ATAD2: variants seen among roughly 807,000 people sequenced by gnomAD.
ATAD2 encodes ATPase family AAA domain containing 2, also known as ATPase family AAA domain-containing protein 2.
Under a neutral mutation model 168.9 loss-of-function variants are expected in ATAD2, and 62 were observed. That is an observed-to-expected ratio of 0.37 (90% CI 0.30 to 0.45). The LOEUF (loss-of-function observed/expected upper bound fraction) is 0.45, where lower values mean the gene tolerates loss of function less well. Ranked by LOEUF, ATAD2 falls within the 20% of genes least tolerant of loss-of-function variation. The pLI, the probability that ATAD2 is intolerant of heterozygous loss-of-function variation, is 1.00. For missense variants in ATAD2, 1,419 were observed against 1,667.8 expected (o/e 0.85, Z 2.60); for synonymous variants, 613 against 571.6 (o/e 1.07, Z -1.03).
In ATAD2 at chr8:123,380,652, T is replaced by G. The variant is rs762206940; in HGVS notation, c.197A>C (p.Glu66Ala). ...TAAAGCACGTGTCCGGTGGTAGGTT[T>G]CAACTTCCTTAACTGATGACCCATC... is the stretch of plus-strand genomic sequence containing the variant. ...AGDGSSVKEVETYHRTRALRS... is the reference protein window; with the variant it reads ...AGDGSSVKEVATYHRTRALRS... Residue 66 changes from glutamate to alanine, a missense_variant, in exon 2 of 28, where the codon GAA (glutamate) becomes GCA (alanine). Glu to Ala is a moderately radical substitution (Grantham distance 107). Around this residue, in one of 5 missense-constraint regions of ATAD2, gnomAD observed 419 missense variants for 423.5 expected, o/e 0.99. Coordinates refer to ENST00000287394, the MANE Select transcript of ATAD2 (RefSeq NM_014109.4). The G allele has an allele frequency of 6.2e-7, 1 of 1,614,012 alleles. No homozygotes were observed. Among genetic ancestry groups the G allele is most frequent in the South Asian group, 1.1e-5 (1 of 91,064 alleles).
chr8:123,334,514 T>C (rs1029828192), intron 22 of ATAD2, among the ~76,000 whole-genome samples, 192 bp from the exon 23 acceptor site: 5 of 152,056 alleles, frequency 3.3e-5, no homozygotes, highest in African/African-American at 1.2e-4. Flanking sequence ...TCTGATTCAA[T>C]ATGGCAAACT....
At chr8:123,413,539 A>G (rs188641841) in intron 1 of ATAD2, among the ~76,000 whole-genome samples, 1 of 152,290 alleles carries the variant, frequency 6.6e-6, no homozygotes, top group Admixed American at 6.5e-5. Context: ...TCCTAGTGTT[A>G]CTTATCCAAG....
intron 1 of ATAD2, among the ~76,000 whole-genome samples, chr8:123,387,668 G>A (rs1367526313): frequency 9.9e-5 from 15 of 152,122 alleles, no homozygotes; most frequent in Admixed American, 9.8e-4. Flanking sequence ...TTTTAAGAGA[G>A]GAAATGTTAG....
At chr8:123,400,746 G>T, upstream of ATAD2, 1 of 771,790 alleles carries the variant, frequency 1.3e-6, no homozygotes. This position sits in a 1 kb window ranked among gnomAD's most constrained non-coding sequence, Gnocchi z 4.5. Flanking sequence ...CCCTTACCTG[G>T]AAGATCACGC....
intron 19 of ATAD2, among the ~76,000 whole-genome samples, chr8:123,340,934 T>C (rs1828043035): frequency 6.6e-6 from 1 of 151,290 alleles, no homozygotes; most frequent in African/African-American, 2.4e-5. Context: ...ATGGATGAAA[T>C]GGTAAGTTTT....
In ATAD2 at chr8:123,334,307, T is replaced by C; in HGVS notation, c.3227A>G (p.His1076Arg). 1 of 1,567,920 alleles carries C rather than the reference T, an allele frequency of 6.4e-7. No individual in the cohort carries two copies. Among genetic ancestry groups the C allele is most frequent in the Non-Finnish European group, 8.6e-7 (1 of 1,166,358 alleles). The change falls in exon 23 of 28, where the codon CAT becomes CGT. Residue 1076 changes from histidine (H) to arginine (R), a missense_variant. His to Arg is a conservative substitution (Grantham distance 29). This residue lies in a region of ATAD2 where 545 missense variants were observed against 724.9 expected (regional missense o/e 0.75). Coordinates refer to ENST00000287394, the MANE Select transcript of ATAD2 (RefSeq NM_014109.4). The stretch of plus-strand genomic sequence containing the variant: ...AGTATCTCTTAAAGCACAGGCTCTA[T>C]GCCTAATAAGACGATCTATGAAGTG... ...DRDPGDRLIR[H>R]RACALRDTAY... is the part of the protein sequence containing the mutation.
At position 123,361,558 on chromosome 8, in the gene ATAD2, G is replaced by T; in HGVS notation, c.1138C>A (p.Arg380Ser). The T allele has an allele frequency of 6.2e-7, 1 of 1,612,818 alleles. No individual in the cohort carries two copies. The highest frequency in any genetic ancestry group is 1.1e-5 in the South Asian group (1 of 90,938). Residue 380 changes from arginine (R) to serine (S), a missense_variant, in exon 9 of 28, where the codon CGT (arginine) becomes AGT (serine). Around this residue, in one of 5 missense-constraint regions of ATAD2, gnomAD observed 146 missense variants for 188.3 expected, o/e 0.78. Transcript: ENST00000287394. ...QHFERRRKRSRNRAINRCLPL... is the reference protein window; with the variant it reads ...QHFERRRKRSSNRAINRCLPL... ...ACTTACCTATTGATAGCCCTATTACGACTCCTTTTCCTCCGCCTCTCAAAG... is the reference window on the plus strand; with the variant it reads ...ACTTACCTATTGATAGCCCTATTACTACTCCTTTTCCTCCGCCTCTCAAAG...
chr8:123,383,006 C>T (rs1829534245), intron 1 of ATAD2, among the ~76,000 whole-genome samples: 1 of 152,152 alleles, frequency 6.6e-6, no homozygotes, highest in African/African-American at 2.4e-5. Flanking sequence ...CATAGAAATA[C>T]TATGCAGCCA....
chr8:123,359,229 T>A lies in ATAD2; in HGVS notation c.1374A>T (p.Gln458His). The change falls in exon 11 of 28, where the codon CAA becomes CAT. Residue 458 changes from glutamine (Q) to histidine (H), a missense_variant. Physicochemically the swap from Gln to His is conservative, Grantham distance 24. Transcript: ENST00000287394. ...AAATATAATTAAATTACCTTGGGGG[T>A]TGAATTTTAAATTTTTCAAAGACTT... ...YPEVFEKFKI[Q>H]PPRGCLFYGP... 1 of 1,573,510 alleles carries A rather than the reference T, an allele frequency of 6.4e-7. No individual in the cohort carries two copies. Among genetic ancestry groups the A allele is most frequent in the Non-Finnish European group, 8.6e-7 (1 of 1,156,926 alleles).
chr8:123,321,980 C>T (rs1827481171), intron 27 of ATAD2, among the ~76,000 whole-genome samples: 1 of 146,040 alleles, frequency 6.8e-6, no homozygotes, highest in East Asian at 2.0e-4. Flanking sequence ...AGATTAAGTA[C>T]ATAAGTCTTT....
At chr8:123,374,970 C>T (rs1343603027) in intron 2 of ATAD2, among the ~76,000 whole-genome samples, 1 of 151,990 alleles carries the variant, frequency 6.6e-6, no homozygotes, top group Non-Finnish European at 1.5e-5. Context: ...AATCTTGATC[C>T]TCTGGTCTTT....
intron 2 of ATAD2, among the ~76,000 whole-genome samples, chr8:123,380,140 C>G (rs1829452209): frequency 6.6e-6 from 1 of 152,066 alleles, no homozygotes; most frequent in Non-Finnish European, 1.5e-5. Flanking sequence ...CAAGCTCCGC[C>G]TCCTGGGTTC....
chr8:123,383,385 T>C (rs1829547878), intron 1 of ATAD2, among the ~76,000 whole-genome samples: 1 of 152,110 alleles, frequency 6.6e-6, no homozygotes, highest in Admixed American at 6.5e-5. Context: ...AAAAGTTCTA[T>C]CTCTCACCCA....
chr8:123,344,257 A>G (rs944459024), intron 19 of ATAD2, among the ~76,000 whole-genome samples: 1 of 152,168 alleles, frequency 6.6e-6, no homozygotes, highest in African/African-American at 2.4e-5. Context: ...AGACTTTAGC[A>G]CTAACAAATA....
At chr8:123,357,021 T>C (rs1359482196) in intron 12 of ATAD2, among the ~76,000 whole-genome samples, 1 of 152,328 alleles carries the variant, frequency 6.6e-6, no homozygotes, top group Non-Finnish European at 1.5e-5. Context: ...GACAGTGACA[T>C]AGTCTTCCTC....
intron 1 of ATAD2, among the ~76,000 whole-genome samples, chr8:123,407,108 T>C (rs746954220): frequency 1.4e-4 from 21 of 152,196 alleles, no homozygotes; most frequent in Non-Finnish European, 4.4e-5. Context: ...GATGTGTTTA[T>C]AAGCCAAGAA....
chr8:123,396,998 C>T (rs181609014), upstream of ATAD2, among the ~76,000 whole-genome samples: 19 of 149,636 alleles, frequency 1.3e-4, no homozygotes, highest in East Asian at 3.6e-3. Flanking sequence ...AGAAAGAAAA[C>T]ACAAGGAGCT....
At chr8:123,379,051 G>T (rs1829411517) in intron 2 of ATAD2, among the ~76,000 whole-genome samples, 1 of 152,018 alleles carries the variant, frequency 6.6e-6, no homozygotes, top group Admixed American at 6.6e-5. Context: ...TTCTGCCTTG[G>T]CCTCCCAAAG....
At chr8:123,346,511 T>C in intron 17 of ATAD2, 107 bp downstream of exon 17, 1 of 1,170,050 alleles carries the variant, frequency 8.5e-7, no homozygotes, top group African/African-American at 1.6e-5. Flanking sequence ...TAGTTTAATT[T>C]AAATAAAAAG....
Sources: allele counts gnomAD v4.1 joint callset (sites outside exome capture counted in the v4.1 genomes callset), GRCh38; gene constraint gnomAD v4.1.1; regional missense constraint gnomAD v4.1.1; non-coding constraint Gnocchi (gnomAD v3.1); transcripts MANE v1.5; gene names NCBI Gene and HGNC (gene_info 2026-07-23, HGNC 2026-07-21).